The following AGBL1 variants were observed in gnomAD, a reference collection of about 807,000 sequenced individuals.
AGBL1 encodes the protein cytosolic carboxypeptidase 4.
A neutral mutation model predicts 118.9 loss-of-function variants in AGBL1; 130 were observed. The ratio of observed to expected loss-of-function variants is 1.09; its 90% confidence interval spans 0.95 to 1.26. The LOEUF (loss-of-function observed/expected upper bound fraction) is 1.26, where lower values mean the gene tolerates loss of function less well. Ranked by LOEUF, AGBL1 falls within the 50% of genes most tolerant of loss-of-function variation. The probability of loss-of-function intolerance (pLI) is 0.00; values close to 1 mark genes in which losing one functional copy is unlikely to be tolerated. For synonymous variants in AGBL1, 555 were observed against 478.9 expected, an observed-to-expected ratio of 1.16 and a Z score of -2.08; for missense variants, 1,584 against 1,298.1, an observed-to-expected ratio of 1.22 and a Z score of -3.38.
chr15:86,639,877 C>T (rs548581360), intron 21 of AGBL1, among the ~76,000 whole-genome samples: 2 of 152,168 alleles, frequency 1.3e-5, no homozygotes, highest in Non-Finnish European at 2.9e-5. Flanking sequence ...GTTTTTATCT[C>T]TATAACCAGG....
intron 17 of AGBL1, 170 bp downstream of exon 17, chr15:86,295,578 T>G: frequency 1.8e-6 from 1 of 544,946 alleles, no homozygotes; most frequent in Non-Finnish European, 3.0e-6. Flanking sequence ...GGTTAAACAT[T>G]AATGTTGCTT....
chr15:86,784,252 A>C (rs1451062694), intron 22 of AGBL1, among the ~76,000 whole-genome samples: 3 of 152,222 alleles, frequency 2.0e-5, no homozygotes, highest in Non-Finnish European at 4.4e-5. Context: ...TGGAGCATAG[A>C]AAGTCCTGTT....
At chr15:86,999,755 C>T (rs2081417061) in intron 24 of AGBL1, among the ~76,000 whole-genome samples, 1 of 148,240 alleles carries the variant, frequency 6.7e-6, no homozygotes, top group Non-Finnish European at 1.5e-5. Context: ...AATGGGATGG[C>T]TGGGTCAAAT....
chr15:86,833,721 C>T (rs556666874), intron 22 of AGBL1, among the ~76,000 whole-genome samples: 7 of 152,246 alleles, frequency 4.6e-5, no homozygotes, highest in African/African-American at 1.2e-4. Flanking sequence ...AACAACATCA[C>T]GAACAGCTGG....
At chr15:86,959,085 T>A (rs1218113223) in intron 23 of AGBL1, among the ~76,000 whole-genome samples, 1 of 152,050 alleles carries the variant, frequency 6.6e-6, no homozygotes, top group African/African-American at 2.4e-5. Context: ...CAAAAAAGGA[T>A]GATGTGAGAT....
chr15:86,125,075 T>C (rs1263654328), intron 1 of AGBL1, among the ~76,000 whole-genome samples: 1 of 152,172 alleles, frequency 6.6e-6, no homozygotes, highest in Non-Finnish European at 1.5e-5. Flanking sequence ...CACATCCACT[T>C]TGTGAGAGTA....
At chr15:86,435,556 T>C (rs2081991839) in intron 18 of AGBL1, among the ~76,000 whole-genome samples, 1 of 152,206 alleles carries the variant, frequency 6.6e-6, no homozygotes, top group Non-Finnish European at 1.5e-5. Context: ...CAAGCCAAAT[T>C]AGAGATTTAA....
chr15:86,761,165 A>G (rs1351798854), intron 22 of AGBL1, among the ~76,000 whole-genome samples: 2 of 152,052 alleles, frequency 1.3e-5, no homozygotes, highest in East Asian at 1.9e-4. Flanking sequence ...CATGGATCTT[A>G]GACACTCTTA....
At chr15:86,642,863 A>T (rs1050034335) in intron 21 of AGBL1, among the ~76,000 whole-genome samples, 2 of 152,126 alleles carry the variant, frequency 1.3e-5, no homozygotes, top group Admixed American at 1.3e-4. Context: ...GGACTATTTT[A>T]TTTTATTTTA....
chr15:86,708,172 A>T (rs747380123), intron 22 of AGBL1, among the ~76,000 whole-genome samples: 1 of 152,108 alleles, frequency 6.6e-6, no homozygotes, highest in Admixed American at 6.6e-5. Flanking sequence ...TAGTTACATT[A>T]GGGGTTAAAG....
intron 21 of AGBL1, among the ~76,000 whole-genome samples, chr15:86,610,713 C>G (rs2142389850): frequency 6.6e-6 from 1 of 152,300 alleles, no homozygotes; most frequent in Middle Eastern, 3.4e-3. Context: ...TTGAGACGTT[C>G]CAAGGTAGGT....
chr15:86,523,789 G>C (rs1245706406), intron 19 of AGBL1, among the ~76,000 whole-genome samples: 3 of 152,040 alleles, frequency 2.0e-5, no homozygotes, highest in Non-Finnish European at 4.4e-5. Flanking sequence ...CTATACAATT[G>C]ATTGAAAAAA....
At chr15:86,080,543 G>T (rs1204904804) in intron 1 of AGBL1, among the ~76,000 whole-genome samples, 1 of 152,194 alleles carries the variant, frequency 6.6e-6, no homozygotes, top group African/African-American at 2.4e-5. Context: ...TGACTAGAAG[G>T]TGTTTGAATC....
chr15:86,417,561 A>G (rs182059825), intron 18 of AGBL1, among the ~76,000 whole-genome samples: 267 of 152,370 alleles, frequency 1.8e-3, no homozygotes, highest in Non-Finnish European at 2.9e-3. Flanking sequence ...TCAAAATAGT[A>G]TCATACAGTG....
intron 18 of AGBL1, among the ~76,000 whole-genome samples, chr15:86,425,930 G>A (rs1267179830): frequency 3.4e-5 from 5 of 146,860 alleles, no homozygotes; most frequent in Admixed American, 6.8e-5. Flanking sequence ...GGACAAAGAC[G>A]TGTTTGTGTG....
intron 21 of AGBL1, among the ~76,000 whole-genome samples, chr15:86,642,915 A>C (rs2085216796): frequency 6.6e-6 from 1 of 152,234 alleles, no homozygotes; most frequent in Admixed American, 6.5e-5. Context: ...CTGTTAAAAT[A>C]AATAAATGTG....
intron 22 of AGBL1, among the ~76,000 whole-genome samples, chr15:86,682,867 A>G (rs1185658126): frequency 6.6e-6 from 1 of 152,148 alleles, no homozygotes; most frequent in Non-Finnish European, 1.5e-5. Context: ...TCTTAATCCT[A>G]TAAATAATCC....
chr15:87,011,602 C>T (rs1194128121), intron 24 of AGBL1, among the ~76,000 whole-genome samples: 1 of 152,098 alleles, frequency 6.6e-6, no homozygotes, highest in East Asian at 1.9e-4. Context: ...TTTGTGGGTA[C>T]AGTCATTATA....
At chr15:86,825,469 C>T (rs2078995438) in intron 22 of AGBL1, among the ~76,000 whole-genome samples, 1 of 95,342 alleles carries the variant, frequency 1.0e-5, no homozygotes, top group Non-Finnish European at 2.1e-5. Context: ...CAATAATATA[C>T]TAAATAAAAA....
Sources: allele counts gnomAD v4.1 joint callset (sites outside exome capture counted in the v4.1 genomes callset), GRCh38; gene constraint gnomAD v4.1.1; transcripts MANE v1.5; gene names NCBI Gene and HGNC (gene_info 2026-07-23, HGNC 2026-07-21).